Variants in TENM2 observed in about 807,000 individuals in gnomAD.
TENM2 encodes the protein teneurin transmembrane protein 2.
In TENM2, 52 loss-of-function variants were observed where a neutral mutation model predicts 245.2. The ratio of observed to expected loss-of-function variants is 0.21; its 90% CI spans 0.17 to 0.27. TENM2 has a LOEUF of 0.27. Among genes scored for constraint, TENM2 ranks in the 10% least tolerant of loss-of-function variants. The pLI is 1.00. For synonymous variants in TENM2, 1,363 were observed against 1,438.9 expected, an observed-to-expected ratio of 0.95 and a Z score of 1.19; for missense variants, 3,046 against 3,666.8, an observed-to-expected ratio of 0.83 and a Z score of 4.37.
At chr5:167,868,808 G>A (rs1772559987) in intron 2 of TENM2, among the ~76,000 whole-genome samples, 1 of 150,664 alleles carries the variant, frequency 6.6e-6, no homozygotes, top group African/African-American at 2.4e-5. Context: ...AATAATGATT[G>A]ATACTACAGT....
chr5:168,218,767 A>G lies in TENM2; in HGVS notation c.4876A>G (p.Thr1626Ala), dbSNP rs1293598763. Residue 1626 changes from threonine (T) to alanine (A), a missense_variant, in exon 23 of 29, where the codon ACT becomes GCT. By Grantham distance (58) the Thr-to-Ala change is moderately conservative. Transcript: ENST00000518659. This position sits in a 1 kb window ranked among gnomAD's most constrained non-coding sequence, Gnocchi z 5.2. ...CACATATAGTACTGACAATGATGTCACTGAATTGATTGACAATAATGGGAA... is the reference window on the plus strand; with the variant it reads ...CACATATAGTACTGACAATGATGTCGCTGAATTGATTGACAATAATGGGAA... 2 of 1,614,028 alleles carry G rather than the reference A, an allele frequency of 1.2e-6. No individual in the cohort carries two copies. Among genetic ancestry groups the G allele is most frequent in the Non-Finnish European group, 1.7e-6 (2 of 1,179,900 alleles).
intron 1 of TENM2, among the ~76,000 whole-genome samples, chr5:167,371,314 T>A (rs1581866741): frequency 6.6e-6 from 1 of 150,806 alleles, no homozygotes; most frequent in Admixed American, 6.6e-5. Flanking sequence ...TGCACCACGA[T>A]GTGACCTCCA....
chr5:167,799,667 C>T (rs1765565826), intron 2 of TENM2, among the ~76,000 whole-genome samples: 2 of 152,174 alleles, frequency 1.3e-5, no homozygotes, highest in African/African-American at 4.8e-5. Context: ...ATGCAGCTCT[C>T]CTTGCAGACA....
At position 168,247,972 on chromosome 5, in the gene TENM2, T is replaced by C; in HGVS notation, c.7033T>C (p.Ser2345Pro). 6.2e-7 allele frequency: 1 copy of C among 1,613,882 alleles called. No homozygotes were observed. The highest frequency in any genetic ancestry group is 8.5e-7 in the Non-Finnish European group (1 of 1,179,884). The change falls in exon 27 of 29, where the codon TCA (serine) becomes CCA (proline). Residue 2345 changes from serine to proline, a missense_variant. By Grantham distance (74) the Ser-to-Pro change is moderately conservative. Transcript: ENST00000518659. The surrounding 1 kb of genome is among the most constrained non-coding windows in gnomAD (Gnocchi z 7.8). ...CAATCACTCCAACTCGGAGATTACC[T>C]CACTGTACTACGACCTCCAGGGCCA...
At chr5:167,424,806 T>C (rs544535103) in intron 2 of TENM2, among the ~76,000 whole-genome samples, 31 of 152,322 alleles carry the variant, frequency 2.0e-4, no homozygotes, top group Admixed American at 7.8e-4. Context: ...ACATTACTTA[T>C]TCCAAAATCA....
At chr5:168,211,013 G>A (rs1318814971) in intron 19 of TENM2, among the ~76,000 whole-genome samples, 1 of 152,122 alleles carries the variant, frequency 6.6e-6, no homozygotes, top group African/African-American at 2.4e-5. Context: ...AATTCCAAGA[G>A]GATATTATTA....
chr5:167,342,504 A>ATTATTT (rs1758165778), intron 1 of TENM2, among the ~76,000 whole-genome samples: 1 of 61,420 alleles, frequency 1.6e-5, no homozygotes, highest in African/African-American at 6.1e-5. Flanking sequence ...CTGTAAAGTT[A>ATTATTT]TTCTTTTTTT....
At chr5:168,250,388 TA>T (rs1327302880) in intron 27 of TENM2, among the ~76,000 whole-genome samples, 33 of 152,170 alleles carry the variant, frequency 2.2e-4, no homozygotes, top group Admixed American at 2.1e-3. Context: ...ATGCTTTGTA[TA>T]GAGAAACAAT....
chr5:167,735,151 T>C (rs967858641), intron 2 of TENM2, among the ~76,000 whole-genome samples: 2 of 152,224 alleles, frequency 1.3e-5, no homozygotes, highest in Admixed American at 6.5e-5. Context: ...AATTGTACTG[T>C]TATATGTCTG....
At chr5:167,409,811 CCAGTTGTAT>C in intron 2 of TENM2, among the ~76,000 whole-genome samples, 1 of 151,584 alleles carries the variant, frequency 6.6e-6, no homozygotes, top group East Asian at 1.9e-4. Flanking sequence ...TAGCAAAATA[CCAGTTGTAT>C]CAGTGATCCA....
intron 7 of TENM2, among the ~76,000 whole-genome samples, chr5:168,069,939 A>G (rs1790838611): frequency 6.6e-6 from 1 of 152,208 alleles, no homozygotes; most frequent in African/African-American, 2.4e-5. Context: ...GAGAAAATTA[A>G]CAAAGAAGGT....
At chr5:167,995,087 C>T (rs1054797569) in intron 5 of TENM2, among the ~76,000 whole-genome samples, 2 of 152,144 alleles carry the variant, frequency 1.3e-5, no homozygotes, top group Non-Finnish European at 2.9e-5. Context: ...CCAGTGAGCA[C>T]CACGGGGAGC....
intron 3 of TENM2, among the ~76,000 whole-genome samples, chr5:167,900,894 T>C (rs537274182): frequency 1.1e-3 from 174 of 151,608 alleles, no homozygotes; most frequent in African/African-American, 4.0e-3. Flanking sequence ...GGGACTTTTC[T>C]GTGGGAGATT....
At chr5:167,883,265 C>G (rs138331008) in intron 3 of TENM2, among the ~76,000 whole-genome samples, 13 of 152,318 alleles carry the variant, frequency 8.5e-5, no homozygotes, top group African/African-American at 3.1e-4. Context: ...AACAAATAGT[C>G]CTCAGGACTC....
Position 167,369,021 on chromosome 5 carries a change from T to C in TENM2, c.227-6177T>C, listed in dbSNP as rs915341875. Among the ~76,000 whole-genome samples, 7 of 151,236 alleles carry C rather than the reference T, an allele frequency of 4.6e-5. No individual in the cohort carries two copies. In the South Asian group the frequency reaches 1.3e-3, roughly 28 times the overall value. On this transcript the variant is annotated intron_variant, in intron 1 of 28. Coordinates refer to ENST00000518659, the Ensembl canonical transcript of TENM2. The stretch of plus-strand genomic sequence containing the variant: ...TTGGTCTTTTAAAATTTTACTCTGG[T>C]GTGTTTGTAAAAGTGTAGGGATGGG...
At chr5:168,107,692 C>T (rs953235162) in intron 9 of TENM2, among the ~76,000 whole-genome samples, 2 of 152,216 alleles carry the variant, frequency 1.3e-5, no homozygotes, top group African/African-American at 4.8e-5. Context: ...TGAACACTCA[C>T]TCTAAGTTCC....
At chr5:167,768,594 G>A (rs763761209) in intron 2 of TENM2, among the ~76,000 whole-genome samples, 2 of 152,174 alleles carry the variant, frequency 1.3e-5, no homozygotes. Context: ...TGAAGTGGTA[G>A]AGAGTGGTGG....
At chr5:168,009,949 A>G (rs543535503) in intron 5 of TENM2, among the ~76,000 whole-genome samples, 1 of 152,292 alleles carries the variant, frequency 6.6e-6, no homozygotes, top group African/African-American at 2.4e-5. Flanking sequence ...GGTTAAGGCC[A>G]TGGTCAGACC....
intron 2 of TENM2, among the ~76,000 whole-genome samples, chr5:167,860,187 T>G (rs1322631540): frequency 1.1e-4 from 7 of 62,166 alleles, no homozygotes; most frequent in South Asian, 6.4e-4. Context: ...GGGAGGGAGG[T>G]GGGGGGGTCA....
Sources: allele counts gnomAD v4.1 joint callset (sites outside exome capture counted in the v4.1 genomes callset), GRCh38; gene constraint gnomAD v4.1.1; non-coding constraint Gnocchi (gnomAD v3.1); transcripts MANE v1.5; gene names NCBI Gene and HGNC (gene_info 2026-07-23, HGNC 2026-07-21).